Variants in JPH1 observed in about 807,000 individuals in gnomAD.
JPH1 encodes the protein junctophilin 1, also known as junctophilin-1.
In JPH1, 12 loss-of-function variants were observed where a neutral mutation model predicts 53.6. That is an observed-to-expected ratio of 0.22 (90% CI 0.14 to 0.36). The LOEUF is 0.36. Among genes scored for constraint, JPH1 ranks in the 10% least tolerant of loss-of-function variants. The pLI, the probability that JPH1 is intolerant of heterozygous loss-of-function variation, is 1.00. For missense variants in JPH1, 808 were observed against 905.5 expected (o/e 0.89, Z 1.38); for synonymous variants, 375 against 363.8 (o/e 1.03, Z -0.35).
chr8:74,235,737 C>T lies in JPH1; in HGVS notation c.*1314G>A, dbSNP rs1435694992. 6.6e-6 allele frequency: 1 copy of T among 152,300 alleles called. No individual in the cohort carries two copies. Among genetic ancestry groups the T allele is most frequent in the East Asian group, 1.9e-4 (1 of 5,200 alleles). 9.4% of individuals were successfully genotyped at this position (152,300 alleles called of 1,614,324 possible). On this transcript the variant is annotated 3_prime_UTR_variant, in exon 6 of 6. Transcript: ENST00000342232. ...CAAAAATCCAGAAATGTCAGAATGA[C>T]AAAAGACTGTAAAAGACACATATTT...
chr8:74,292,088 T>G (rs1395442337), intron 2 of JPH1, among the ~76,000 whole-genome samples: 2 of 152,174 alleles, frequency 1.3e-5, no homozygotes, highest in Non-Finnish European at 2.9e-5. Context: ...GACGAGTTAA[T>G]GGGTGCAGCA....
intron 3 of JPH1, among the ~76,000 whole-genome samples, chr8:74,246,352 G>C (rs907605125): frequency 1.3e-5 from 2 of 151,988 alleles, no homozygotes; most frequent in Admixed American, 6.6e-5. Flanking sequence ...CTTCACCCCA[G>C]ACAAACTCAC....
chr8:74,248,514 T>C (rs1490070220), intron 3 of JPH1, among the ~76,000 whole-genome samples: 1 of 152,250 alleles, frequency 6.6e-6, no homozygotes, highest in Non-Finnish European at 1.5e-5. Flanking sequence ...CATTTGACAC[T>C]ATGCTAGCAA....
intron 1 of JPH1, among the ~76,000 whole-genome samples, chr8:74,317,583 C>A (rs1199777915): frequency 6.6e-6 from 1 of 152,176 alleles, no homozygotes; most frequent in African/African-American, 2.4e-5. Context: ...ATGAAAGTTT[C>A]ACAATCTGGC....
chr8:74,258,325 G>T (rs1806296640), intron 3 of JPH1, among the ~76,000 whole-genome samples: 1 of 152,106 alleles, frequency 6.6e-6, no homozygotes, highest in Non-Finnish European at 1.5e-5. Context: ...CAATCACGGA[G>T]AATATATATA....
At chr8:74,284,369 G>C (rs1331446284) in intron 2 of JPH1, among the ~76,000 whole-genome samples, 1 of 152,186 alleles carries the variant, frequency 6.6e-6, no homozygotes, top group East Asian at 1.9e-4. Context: ...ATTGTGGAGA[G>C]AGTGGCTGGG....
At chr8:74,285,506 A>G (rs1000089823) in intron 2 of JPH1, among the ~76,000 whole-genome samples, 2 of 152,178 alleles carry the variant, frequency 1.3e-5, no homozygotes, top group Admixed American at 1.3e-4. Flanking sequence ...CTTTATCTGC[A>G]ACTCCAAGAT....
intron 2 of JPH1, among the ~76,000 whole-genome samples, chr8:74,273,453 G>A (rs1806761324): frequency 6.6e-6 from 1 of 152,026 alleles, no homozygotes; most frequent in African/African-American, 2.4e-5. Flanking sequence ...CAACAACAAC[G>A]ACGACAAACC....
chr8:74,300,677 G>C (rs1216398160), intron 2 of JPH1, among the ~76,000 whole-genome samples: 1 of 152,146 alleles, frequency 6.6e-6, no homozygotes, highest in Non-Finnish European at 1.5e-5. Context: ...AAAGTAAAAT[G>C]TCAATGTTGT....
intron 3 of JPH1, among the ~76,000 whole-genome samples, chr8:74,245,631 A>G (rs1391711958): frequency 6.6e-6 from 1 of 152,182 alleles, no homozygotes; most frequent in Non-Finnish European, 1.5e-5. Flanking sequence ...ACATGCACTA[A>G]AACTTCCTAG....
intron 2 of JPH1, among the ~76,000 whole-genome samples, chr8:74,292,649 T>TAAAAA (rs397938293): frequency 1.3e-4 from 20 of 150,538 alleles, no homozygotes; most frequent in African/African-American, 4.0e-4. Flanking sequence ...ACACTGCTGT[T>TAAAAA]AAAAAACAAA....
intron 2 of JPH1, among the ~76,000 whole-genome samples, chr8:74,283,550 A>ATGGGCAGAAATACAGG (rs1488154645): frequency 2.6e-5 from 4 of 152,208 alleles, no homozygotes; most frequent in Non-Finnish European, 4.4e-5. Flanking sequence ...AGGAGGAAAG[A>ATGGGCAGAAATACAGG]TGGGCAGAAA....
At chr8:74,272,600 C>CTTTTTTTT (rs765158506) in intron 2 of JPH1, among the ~76,000 whole-genome samples, 3 of 112,644 alleles carry the variant, frequency 2.7e-5, no homozygotes, top group African/African-American at 6.6e-5. Flanking sequence ...ACCCTTAGTT[C>CTTTTTTTT]TTTTTTTTTT....
intron 2 of JPH1, among the ~76,000 whole-genome samples, chr8:74,291,482 T>A (rs1807323856): frequency 1.3e-5 from 2 of 152,204 alleles, no homozygotes; most frequent in African/African-American, 4.8e-5. Flanking sequence ...AAACAACAGG[T>A]GCTGGAGAGG....
chr8:74,309,389 C>T (rs77187806), intron 2 of JPH1, among the ~76,000 whole-genome samples: 3,307 of 152,226 alleles, frequency 0.022, 117 homozygotes, highest in African/African-American at 0.075. Context: ...TTCTCAGTCG[C>T]GTGAGGCCAG....
Position 74,319,737 on chromosome 8 carries a change from A to G in JPH1, c.379+1172T>C, listed in dbSNP as rs117326788. ...AGAAACTTTTAATTGCATCCCTTTAATATCCTCCAACTCTGAGCTGCTTAA... is the reference window on the plus strand; with the variant it reads ...AGAAACTTTTAATTGCATCCCTTTAGTATCCTCCAACTCTGAGCTGCTTAA... On this transcript the variant is annotated intron_variant, in intron 1 of 5. Coordinates refer to ENST00000342232, the MANE Select transcript of JPH1 (RefSeq NM_020647.4). Among the ~76,000 whole-genome samples, 58 of 152,312 alleles carry G rather than the reference A, an allele frequency of 3.8e-4. No individual in the cohort carries two copies. The East Asian group carries it at 0.01, about 27-fold the overall frequency.
At chr8:74,242,479 G>A (rs528143464) in intron 4 of JPH1, among the ~76,000 whole-genome samples, 1 of 152,330 alleles carries the variant, frequency 6.6e-6, no homozygotes, top group South Asian at 2.1e-4. Context: ...AGGAAGTTCA[G>A]CAACAGAGTT....
intron 1 of JPH1, among the ~76,000 whole-genome samples, chr8:74,316,544 G>C (rs1808165330): frequency 6.6e-6 from 1 of 152,128 alleles, no homozygotes; most frequent in African/African-American, 2.4e-5. Context: ...AAAAAGCTAT[G>C]GTGGCTAAAA....
At chr8:74,271,289 T>C (rs1426044936) in intron 2 of JPH1, among the ~76,000 whole-genome samples, 1 of 149,352 alleles carries the variant, frequency 6.7e-6, no homozygotes, top group African/African-American at 2.4e-5. Flanking sequence ...AGTTGTCTAG[T>C]ATTAGTTTTG....
Sources: gnomAD v4.1 joint callset for allele counts (sites outside exome capture counted in the v4.1 genomes callset) on GRCh38, gnomAD v4.1.1 for gene constraint, MANE v1.5 for transcripts, NCBI Gene and HGNC (gene_info 2026-07-23, HGNC 2026-07-21) for gene names.